TRPM2: variants seen among roughly 807,000 people sequenced by gnomAD.
The protein encoded by TRPM2 is estrogen-responsive element-associated gene 1 protein.
TRPM2 carries 161 observed loss-of-function variants against 174.0 expected under a neutral mutation model. That is an observed-to-expected ratio of 0.93 (90% CI 0.81 to 1.05). The LOEUF is 1.05. Among genes scored for constraint, TRPM2 ranks in the 50% least tolerant of loss-of-function variants. TRPM2 has a pLI of 0.00. For synonymous variants in TRPM2, 954 were observed against 861.3 expected, an observed-to-expected ratio of 1.11 and a Z score of -1.88; for missense variants, 2,057 against 2,038.0, an observed-to-expected ratio of 1.01 and a Z score of -0.18.
At chr21:44,365,494 C>T (rs2048333474) in intron 3 of TRPM2, among the ~76,000 whole-genome samples, 1 of 152,224 alleles carries the variant, frequency 6.6e-6, no homozygotes, top group Admixed American at 6.5e-5. Flanking sequence ...GTTCTCCAGG[C>T]CCCTGGACCC....
intron 18 of TRPM2, 115 bp downstream of exon 18, chr21:44,406,152 C>T: frequency 2.2e-6 from 3 of 1,361,834 alleles, no homozygotes; most frequent in Non-Finnish European, 3.0e-6. Context: ...TGTAGGTTCC[C>T]CGTCCCTGCT....
At chr21:44,356,566 C>A (rs2048070785) in intron 2 of TRPM2, among the ~76,000 whole-genome samples, 1 of 147,370 alleles carries the variant, frequency 6.8e-6, no homozygotes, top group Non-Finnish European at 1.5e-5. Context: ...GGGTCTCGCT[C>A]TGTCGCCCAG....
intron 14 of TRPM2, 45 bp from the exon 15 acceptor site, chr21:44,400,214 G>A (rs773806265): frequency 6.5e-7 from 1 of 1,547,074 alleles, no homozygotes; most frequent in Non-Finnish European, 8.9e-7. Flanking sequence ...ACCATCTGGG[G>A]CACAGGGCTG....
At chr21:44,374,001 T>G (rs1022908658) in intron 5 of TRPM2, among the ~76,000 whole-genome samples, 2 of 151,950 alleles carry the variant, frequency 1.3e-5, no homozygotes. Context: ...AGTATATGTA[T>G]TCTCTCTCTC....
chr21:44,355,428 C>T (rs2048031841), intron 2 of TRPM2, among the ~76,000 whole-genome samples: 1 of 152,228 alleles, frequency 6.6e-6, no homozygotes, highest in South Asian at 2.1e-4. Flanking sequence ...CCACACGCTT[C>T]CTCCTTTTAC....
In TRPM2 at chr21:44,406,879, T is replaced by A. The variant is rs948594642; in HGVS notation, c.2962+114T>A. 4 of 1,352,096 alleles carry A rather than the reference T, an allele frequency of 3.0e-6. No homozygotes were observed. In the African/African-American group the frequency reaches 4.4e-5, roughly 15 times the overall value. The allele number at this position is 1,352,096 out of a possible 1,614,324, so 83.8% of individuals were successfully genotyped here. A position where few individuals can be genotyped will look rare whatever the true frequency, so the allele number is the denominator to read the frequency against. On this transcript the variant is annotated intron_variant, in intron 19 of 31. Transcript: ENST00000397928. The stretch of plus-strand genomic sequence containing the variant: ...CGGCTCCATCAGGGGGTCCTGCGGT[T>A]CCCACCTGGCCGGTGTCCTCCCTGG...
Position 44,400,629 on chromosome 21 carries a change from G to A in TRPM2, c.2321+258G>A, listed in dbSNP as rs546770716. Among the ~76,000 whole-genome samples the A allele has an allele frequency of 7.9e-5, 12 of 152,240 alleles. No homozygotes were observed. In the South Asian group the frequency reaches 8.3e-4, roughly 11 times the overall value. On this transcript the variant is annotated intron_variant, in intron 15 of 31. Coordinates refer to ENST00000397928, the MANE Select transcript of TRPM2 (RefSeq NM_003307.4). ...CCCGTCCCTCAGCCACATCAGCCTGGGGTTGGGGAGGCCAGGAAAGATGGT... is the reference window on the plus strand; with the variant it reads ...CCCGTCCCTCAGCCACATCAGCCTGAGGTTGGGGAGGCCAGGAAAGATGGT...
intron 5 of TRPM2, among the ~76,000 whole-genome samples, chr21:44,370,958 G>A (rs1021750486): frequency 1.3e-5 from 2 of 152,118 alleles, no homozygotes; most frequent in African/African-American, 4.8e-5. Context: ...CGGAGGGTGT[G>A]TGTCCCAGCC....
chr21:44,384,402 C>T (rs2048963915), intron 9 of TRPM2, among the ~76,000 whole-genome samples: 1 of 152,162 alleles, frequency 6.6e-6, no homozygotes, highest in Admixed American at 6.5e-5. Context: ...AAGGGCCTGC[C>T]TCATGTCATT....
At chr21:44,372,526 A>G (rs968359459) in intron 5 of TRPM2, among the ~76,000 whole-genome samples, 1 of 152,176 alleles carries the variant, frequency 6.6e-6, no homozygotes, top group African/African-American at 2.4e-5. Context: ...CAAAAATATC[A>G]TCAGCTCAAA....
rs866275846 is a variant in TRPM2, at chr21:44,438,039, G to C, written c.4167+872G>C. The stretch of plus-strand genomic sequence containing the variant: ...CCTGGTGGCTGCCTCTGCTGCTGTG[G>C]GAGTGTGTGTGCCACCACGGTGTGC... On this transcript the variant is annotated intron_variant, in intron 29 of 31. Coordinates refer to ENST00000397928, the MANE Select transcript of TRPM2 (RefSeq NM_003307.4). The surrounding 1 kb of genome is among the most constrained non-coding windows in gnomAD (Gnocchi z 5.9). Among the ~76,000 whole-genome samples the C allele has an allele frequency of 6.6e-6, 1 of 152,264 alleles. No homozygotes were observed. Among genetic ancestry groups the C allele is most frequent in the South Asian group, 2.1e-4 (1 of 4,836 alleles).
At chr21:44,407,462 T>TTG (rs2049945594) in intron 19 of TRPM2, among the ~76,000 whole-genome samples, 1 of 147,510 alleles carries the variant, frequency 6.8e-6, no homozygotes, top group Non-Finnish European at 1.5e-5. Flanking sequence ...TTTTTTTTTT[T>TTG]TTTTTTTTTT....
intron 9 of TRPM2, among the ~76,000 whole-genome samples, chr21:44,390,600 C>CT (rs1363897567): frequency 6.6e-6 from 1 of 152,152 alleles, no homozygotes; most frequent in Non-Finnish European, 1.5e-5. Flanking sequence ...CAGTGAGGCC[C>CT]TTTTCTTGCT....
At chr21:44,379,220 T>G (rs1391503430) in intron 8 of TRPM2, 23 bp downstream of exon 8, 2 of 1,608,016 alleles carry the variant, frequency 1.2e-6, no homozygotes, top group South Asian at 1.1e-5. Context: ...GGCACGACGG[T>G]CACCAGCATG....
intron 8 of TRPM2, among the ~76,000 whole-genome samples, chr21:44,380,145 G>A (rs929388936): frequency 6.6e-5 from 10 of 152,340 alleles, no homozygotes; most frequent in East Asian, 1.9e-4. Context: ...CCCGTTGGCC[G>A]ATTCAGAAGC....
chr21:44,373,955 T>G (rs1201064945), intron 5 of TRPM2, among the ~76,000 whole-genome samples: 21 of 152,112 alleles, frequency 1.4e-4, no homozygotes, highest in Non-Finnish European at 2.9e-5. Context: ...GAAGCAACTG[T>G]GATGTTCATT....
In TRPM2 at chr21:44,406,722, C is replaced by G. The variant is rs1300221568; in HGVS notation, c.2919C>G (p.His973Gln). The change falls in exon 19 of 32, where the codon CAC (histidine) becomes CAG (glutamine). Residue 973 changes from histidine to glutamine, a missense_variant. Transcript: ENST00000397928. Reference protein sequence around the residue: ...VDWLFRGAVYHSYLTIFGQIP... With the variant: ...VDWLFRGAVYQSYLTIFGQIP... ...GGCTGTTCCGAGGGGCCGTCTACCA[C>G]TCCTACCTCACCATCTTCGGGCAGA... is the stretch of plus-strand genomic sequence containing the variant. 8.7e-6 allele frequency: 14 copies of G among 1,608,256 alleles called. No homozygotes were observed. Among genetic ancestry groups the G allele is most frequent in the African/African-American group, 1.3e-5 (1 of 74,768 alleles).
chr21:44,409,988 G>C (rs1336235774), intron 19 of TRPM2, among the ~76,000 whole-genome samples: 1 of 151,618 alleles, frequency 6.6e-6, no homozygotes, highest in African/African-American at 2.4e-5. Flanking sequence ...CTCTTGGTTG[G>C]CGTAGCCTTG....
chr21:44,422,131 C>A, intron 22 of TRPM2: 1 of 944,140 alleles, frequency 1.1e-6, no homozygotes, highest in Non-Finnish European at 1.5e-6. Flanking sequence ...AGCTCCTCAG[C>A]CCGTACCAAG....
Sources: gnomAD v4.1 joint callset for allele counts (sites outside exome capture counted in the v4.1 genomes callset) on GRCh38, gnomAD v4.1.1 for gene constraint, Gnocchi (gnomAD v3.1) non-coding constraint, MANE v1.5 for transcripts, NCBI Gene and HGNC (gene_info 2026-07-23, HGNC 2026-07-21) for gene names.